The following ZNF469 variants were observed in gnomAD, a reference collection of about 807,000 sequenced individuals.
ZNF469 encodes zinc finger protein 469.
A neutral mutation model predicts 1.0 loss-of-function variants in ZNF469; 1 was observed. The observed-to-expected ratio is 1.00, with a 90% CI of 0.35 to 4.73. The LOEUF (loss-of-function observed/expected upper bound fraction) is 4.73. Ranked by LOEUF, ZNF469 falls within the 30% of genes most tolerant of loss-of-function variation. The pLI is 0.16. For synonymous variants in ZNF469, 2,703 were observed against 2,363.4 expected (o/e 1.14, Z -4.17); for missense variants, 6,100 against 5,356.3 (o/e 1.14, Z -4.33).
At chr16:88,260,682 A>G in the ZNF469 span, among the ~76,000 whole-genome samples, 1 of 152,132 alleles carries the variant, frequency 6.6e-6, no homozygotes, top group African/African-American at 2.4e-5. This position sits in a 1 kb window ranked among gnomAD's most constrained non-coding sequence, Gnocchi z 4.1. Flanking sequence ...TCTTTTCTCC[A>G]TGATCAAATC....
At chr16:88,162,320 TA>T in the ZNF469 span, among the ~76,000 whole-genome samples, 1 of 147,886 alleles carries the variant, frequency 6.8e-6, no homozygotes, top group African/African-American at 2.5e-5. Context: ...AATTGGAGGA[TA>T]TTTTATGAAA....
At chr16:88,238,915 C>T in the ZNF469 span, among the ~76,000 whole-genome samples, 6 of 152,248 alleles carry the variant, frequency 3.9e-5, no homozygotes, top group Non-Finnish European at 8.8e-5. Flanking sequence ...TCCGGCCTCC[C>T]TCCCTCCCAT....
the ZNF469 span, among the ~76,000 whole-genome samples, chr16:88,117,984 C>T: frequency 2.2e-4 from 33 of 152,344 alleles, no homozygotes; most frequent in South Asian, 6.4e-3. Flanking sequence ...GCTCTGTCGC[C>T]CAGGCTGGAG....
chr16:88,284,858 TGAAAGG>T, the ZNF469 span, among the ~76,000 whole-genome samples: 3 of 152,240 alleles, frequency 2.0e-5, no homozygotes, highest in African/African-American at 7.2e-5. Flanking sequence ...TTCCTGATGC[TGAAAGG>T]GGCCATCTGT....
chr16:88,419,264 A>C (rs992545376), intron 1 of ZNF469, among the ~76,000 whole-genome samples: 46 of 152,202 alleles, frequency 3.0e-4, no homozygotes, highest in Admixed American at 1.5e-3. Context: ...CCAGGGTGAC[A>C]CAGCTCGGAC....
At chr16:88,396,458 C>T (rs765033403) in intron 1 of ZNF469, among the ~76,000 whole-genome samples, 6 of 150,130 alleles carry the variant, frequency 4.0e-5, no homozygotes, top group East Asian at 2.0e-4. Context: ...GAAGGGAGGC[C>T]GGGCGGAGAC....
chr16:88,379,943 G>A (rs1468209848), upstream of ZNF469, among the ~76,000 whole-genome samples: 1 of 152,170 alleles, frequency 6.6e-6, no homozygotes, highest in Non-Finnish European at 1.5e-5. Flanking sequence ...CCATGCTTGT[G>A]AGCATGGACT....
At chr16:88,318,504 C>T in the ZNF469 span, among the ~76,000 whole-genome samples, 77 of 151,814 alleles carry the variant, frequency 5.1e-4, no homozygotes, top group African/African-American at 1.8e-3. Flanking sequence ...GCAATTCTCC[C>T]CCCAGCCCTT....
rs914966546 is a variant in ZNF469 at position 88,431,115 on chromosome 16, C to A, written c.3645C>A (p.Thr1215=). ...CCAACACCGAGACCTCAGAGGAAACCCGCCCGTCGCTGGACTTTCCCCAGG... is the reference window on the plus strand; with the variant it reads ...CCAACACCGAGACCTCAGAGGAAACACGCCCGTCGCTGGACTTTCCCCAGG... The part of the protein sequence containing the change: ...VPTNTETSEE[T]RPSLDFPQEA... Residue 1215 remains threonine, a synonymous_variant, in exon 3 of 3, where the codon ACC becomes ACA. Coordinates refer to ENST00000565624, the MANE Select transcript of ZNF469 (RefSeq NM_001367624.2). 7.2e-5 allele frequency: 112 copies of A among 1,550,186 alleles called. No homozygotes were observed. The highest frequency in any genetic ancestry group is 7.8e-5 in the Non-Finnish European group (90 of 1,146,954).
At chr16:88,319,977 G>A in the ZNF469 span, among the ~76,000 whole-genome samples, 1 of 152,180 alleles carries the variant, frequency 6.6e-6, no homozygotes, top group African/African-American at 2.4e-5. Flanking sequence ...GCATCTCCCC[G>A]GCCTGAAGCC....
the ZNF469 span, among the ~76,000 whole-genome samples, chr16:88,159,861 AAG>A: frequency 1.3e-5 from 2 of 152,142 alleles, no homozygotes; most frequent in African/African-American, 2.4e-5. Flanking sequence ...CCTGAGGGAT[AAG>A]AGAGTGAGGA....
chr16:88,206,562 A>G, the ZNF469 span, among the ~76,000 whole-genome samples: 9 of 149,546 alleles, frequency 6.0e-5, no homozygotes, highest in Admixed American at 1.3e-4. Context: ...TCTTTATGAC[A>G]AAAAAACAAA....
At chr16:88,170,668 T>C in the ZNF469 span, among the ~76,000 whole-genome samples, 63,060 of 152,012 alleles carry the variant, frequency 0.41, 15,518 homozygotes, top group Non-Finnish European at 0.56. This position sits in a 1 kb window ranked among gnomAD's most constrained non-coding sequence, Gnocchi z 4.2. Context: ...CACGCCCTGC[T>C]TGTCTGCTCG....
In ZNF469 at chr16:88,430,285, C is replaced by A. The variant is rs1906051435; in HGVS notation, c.2815C>A (p.Pro939Thr). 1 of 1,514,388 alleles carries A rather than the reference C, an allele frequency of 6.6e-7. No homozygotes were observed. Among genetic ancestry groups the A allele is most frequent in the South Asian group, 1.2e-5 (1 of 80,514 alleles). The allele number at this position is 1,514,388 out of a possible 1,614,324, so 93.8% of individuals were successfully genotyped here. A position where few individuals can be genotyped will look rare whatever the true frequency, so the allele number is the denominator to read the frequency against. The stretch of plus-strand genomic sequence containing the variant: ...TCTGGCCCCCACCGAGGCGGATGCG[C>A]CCAGCCAGGGCAGGCAGCAGAGGAG... ...LGLAPTEADA[P>T]SQGRQQRRGK... The change falls in exon 3 of 3, where the codon CCC (proline) becomes ACC (threonine). Residue 939 changes from proline to threonine, a missense_variant. Pro to Thr is a conservative substitution (Grantham distance 38). Transcript: ENST00000565624.
At chr16:88,360,105 C>T in the ZNF469 span, among the ~76,000 whole-genome samples, 4 of 152,274 alleles carry the variant, frequency 2.6e-5, no homozygotes, top group South Asian at 2.1e-4. Context: ...GCACCCACCT[C>T]GGCCTCCCAA....
chr16:88,182,914 C>G, the ZNF469 span, among the ~76,000 whole-genome samples: 1 of 152,120 alleles, frequency 6.6e-6, no homozygotes, highest in South Asian at 2.1e-4. Context: ...AATCAAAAGC[C>G]TCTGCTCTTT....
chr16:88,346,596 G>A, the ZNF469 span, among the ~76,000 whole-genome samples: 6,960 of 152,254 alleles, frequency 0.046, 530 homozygotes, highest in African/African-American at 0.16. Flanking sequence ...TTGGCTCACC[G>A]CGGCCTGAAC....
chr16:88,103,758 C>T, the ZNF469 span, among the ~76,000 whole-genome samples: 9 of 148,066 alleles, frequency 6.1e-5, no homozygotes, highest in Non-Finnish European at 1.0e-4. Context: ...CTCCGTGGCA[C>T]GGGGGTGGGT....
chr16:88,418,128 C>A (rs1905353422), intron 1 of ZNF469, among the ~76,000 whole-genome samples: 1 of 152,336 alleles, frequency 6.6e-6, no homozygotes, highest in East Asian at 1.9e-4. Context: ...CAACTCCCTG[C>A]CAGGCCCAGG....
Sources: gnomAD v4.1 joint callset for allele counts (sites outside exome capture counted in the v4.1 genomes callset) on GRCh38, gnomAD v4.1.1 for gene constraint, Gnocchi (gnomAD v3.1) non-coding constraint, MANE v1.5 for transcripts, NCBI Gene and HGNC (gene_info 2026-07-23, HGNC 2026-07-21) for gene names.